ADORA1: variants seen among roughly 807,000 people sequenced by gnomAD.
The protein encoded by ADORA1 is adenosine A1 receptor, also known as adenosine receptor A1.
Under a neutral mutation model 19.9 loss-of-function variants are expected in ADORA1, and 6 were observed. The observed-to-expected ratio is 0.30, with a 90% CI of 0.17 to 0.59. ADORA1 has a LOEUF of 0.59. ADORA1 is among the 20% of genes least tolerant of loss of function. The pLI, the probability that ADORA1 is intolerant of heterozygous loss-of-function variation, is 0.87. For missense variants in ADORA1, 302 were observed against 439.2 expected, an observed-to-expected ratio of 0.69 and a Z score of 2.79; for synonymous variants, 194 against 188.4, an observed-to-expected ratio of 1.03 and a Z score of -0.24.
chr1:203,162,309 A>T (rs1349143128), intron 3 of ADORA1, among the ~76,000 whole-genome samples: 1 of 152,138 alleles, frequency 6.6e-6, no homozygotes, highest in Non-Finnish European at 1.5e-5. Flanking sequence ...GTCTGCTGGG[A>T]CTGGGTCCTG....
chr1:203,165,437 A>C lies in ADORA1; in HGVS notation c.518A>C (p.Lys173Thr), dbSNP rs752023722. 1.9e-6 allele frequency: 3 copies of C among 1,613,470 alleles called. No individual in the cohort carries two copies. The South Asian group carries it at 3.3e-5, about 18-fold the overall frequency. Residue 173 changes from lysine to threonine, a missense_variant, in exon 4 of 4, where the codon AAG becomes ACG. Lys to Thr is a moderately conservative substitution (Grantham distance 78, BLOSUM62 -1). Coordinates refer to ENST00000337894, the MANE Select transcript of ADORA1 (RefSeq NM_000674.3). This position sits in a 1 kb window ranked among gnomAD's most constrained non-coding sequence, Gnocchi z 5.9. ...CCCGTGATCAAGTGCGAGTTCGAGAAGGTCATCAGCATGGAGTACATGGTC... is the reference window on the plus strand; with the variant it reads ...CCCGTGATCAAGTGCGAGTTCGAGACGGTCATCAGCATGGAGTACATGGTC... ...GEPVIKCEFE[K>T]VISMEYMVYF... is the part of the protein sequence containing the mutation.
chr1:203,135,882 C>T (rs767870513), intron 3 of ADORA1, among the ~76,000 whole-genome samples: 1 of 152,190 alleles, frequency 6.6e-6, no homozygotes, highest in African/African-American at 2.4e-5. Context: ...GCAAATCCCC[C>T]GGGGGCATTT....
At chr1:203,146,016 C>T (rs1461542277) in intron 3 of ADORA1, among the ~76,000 whole-genome samples, 2 of 152,176 alleles carry the variant, frequency 1.3e-5, no homozygotes, top group Non-Finnish European at 2.9e-5. Context: ...GCATCTGCCT[C>T]TGAAATGTCG....
intron 3 of ADORA1, among the ~76,000 whole-genome samples, chr1:203,152,366 G>A (rs1374945589): frequency 2.0e-5 from 3 of 152,220 alleles, no homozygotes; most frequent in Non-Finnish European, 4.4e-5. Context: ...CTGGGCTGGC[G>A]GATTCTCTGC....
chr1:203,138,110 T>A lies in ADORA1; in HGVS notation c.341+8928T>A, dbSNP rs191930282. Among the ~76,000 whole-genome samples the A allele has an allele frequency of 3.3e-5, 5 of 152,248 alleles. No homozygotes were observed. The East Asian group carries it at 9.6e-4, about 29-fold the overall frequency. Reference sequence around the variant, plus strand: ...TGTGGGAATTTTCCTATAGATTGGATGTGAGAAAGAAGAATCAATATGACC... The same window carrying A: ...TGTGGGAATTTTCCTATAGATTGGAAGTGAGAAAGAAGAATCAATATGACC... On this transcript the variant is annotated intron_variant, in intron 3 of 3. Coordinates refer to ENST00000337894, the MANE Select transcript of ADORA1 (RefSeq NM_000674.3).
chr1:203,132,376 C>A (rs553814420), intron 3 of ADORA1, among the ~76,000 whole-genome samples: 86 of 152,244 alleles, frequency 5.6e-4, no homozygotes, highest in African/African-American at 1.8e-3. Context: ...GGGAAGGAGA[C>A]CCTAGCAAGG....
chr1:203,162,094 C>A (rs1314302708), intron 3 of ADORA1, among the ~76,000 whole-genome samples: 1 of 152,210 alleles, frequency 6.6e-6, no homozygotes, highest in African/African-American at 2.4e-5. Flanking sequence ...CTTCCACACA[C>A]CCTTACCCCA....
intron 3 of ADORA1, among the ~76,000 whole-genome samples, chr1:203,137,167 C>G (rs1362196916): frequency 6.6e-6 from 1 of 152,072 alleles, no homozygotes; most frequent in Admixed American, 6.6e-5. Context: ...TGAGAAGGTG[C>G]CATTTGACCA....
intron 3 of ADORA1, among the ~76,000 whole-genome samples, chr1:203,163,715 G>A (rs1655443885): frequency 6.6e-6 from 1 of 152,162 alleles, no homozygotes; most frequent in African/African-American, 2.4e-5. Flanking sequence ...TGGGCAAATT[G>A]TCTCCCTTCC....
At position 203,145,922 on chromosome 1, in the gene ADORA1, G is replaced by A. The variant is rs555408663; in HGVS notation, c.341+16740G>A. On this transcript the variant is annotated intron_variant, in intron 3 of 3. Coordinates refer to ENST00000337894, the MANE Select transcript of ADORA1 (RefSeq NM_000674.3). Reference sequence around the variant, plus strand: ...TTGGCAAACCCGGCCTTGGGGAAGCGGCTGTGGCAGGGCAGGGAGGTGTAT... The same window carrying A: ...TTGGCAAACCCGGCCTTGGGGAAGCAGCTGTGGCAGGGCAGGGAGGTGTAT... Among the ~76,000 whole-genome samples the A allele has an allele frequency of 1.1e-3, 161 of 152,298 alleles. 1 individual carries two copies. Among genetic ancestry groups the A allele is most frequent in the African/African-American group, 3.6e-3 (151 of 41,556 alleles).
chr1:203,142,311 G>A (rs747804684), intron 3 of ADORA1, among the ~76,000 whole-genome samples: 5 of 152,358 alleles, frequency 3.3e-5, no homozygotes. Flanking sequence ...AGGGCAGGGC[G>A]TGGTACTGTC....
intron 3 of ADORA1, among the ~76,000 whole-genome samples, chr1:203,145,372 T>C (rs866828896): frequency 3.9e-5 from 6 of 152,312 alleles, no homozygotes; most frequent in African/African-American, 1.4e-4. Context: ...GGTGCCCACT[T>C]GGAGGCCACC....
intron 3 of ADORA1, among the ~76,000 whole-genome samples, chr1:203,150,312 G>C (rs2102754058): frequency 6.6e-6 from 1 of 152,358 alleles, no homozygotes; most frequent in South Asian, 2.1e-4. Flanking sequence ...ACATGCAGTG[G>C]AGCAGGAGGG....
At chr1:203,161,950 C>T (rs888618986) in intron 3 of ADORA1, among the ~76,000 whole-genome samples, 1 of 152,220 alleles carries the variant, frequency 6.6e-6, no homozygotes, top group Admixed American at 6.5e-5. Context: ...TCTCCCGTCT[C>T]TGTTCTGTTG....
In ADORA1 at chr1:203,165,283, C is replaced by A; in HGVS notation, c.364C>A (p.Arg122=). The A allele has an allele frequency of 6.4e-7, 1 of 1,573,034 alleles. No individual in the cohort carries two copies. Among genetic ancestry groups the A allele is most frequent in the Non-Finnish European group, 8.6e-7 (1 of 1,159,626 alleles). The change falls in exon 4 of 4, where the codon CGG becomes AGG. Residue 122 remains arginine, a synonymous_variant. Coordinates refer to ENST00000337894, the MANE Select transcript of ADORA1 (RefSeq NM_000674.3). The surrounding 1 kb of genome is among the most constrained non-coding windows in gnomAD (Gnocchi z 5.9). The part of the protein sequence containing the change: ...PLRYKMVVTP[R]RAAVAIAGCW... ...CAGGTACAAGATGGTGGTGACCCCC[C>A]GGAGGGCGGCGGTGGCCATAGCCGG... is the stretch of plus-strand genomic sequence containing the variant.
intron 3 of ADORA1, among the ~76,000 whole-genome samples, chr1:203,147,009 C>T (rs1654878609): frequency 6.6e-6 from 1 of 152,214 alleles, no homozygotes; most frequent in South Asian, 2.1e-4. Flanking sequence ...AGGTAGAGTG[C>T]TTCACGCAAA....
At chr1:203,151,036 G>A (rs528150164) in intron 3 of ADORA1, among the ~76,000 whole-genome samples, 84 of 152,312 alleles carry the variant, frequency 5.5e-4, no homozygotes, top group African/African-American at 1.9e-3. Flanking sequence ...GGCTGATCTC[G>A]AGTCTGCATG....
chr1:203,157,694 C>T (rs1426754171), intron 3 of ADORA1, among the ~76,000 whole-genome samples: 1 of 152,224 alleles, frequency 6.6e-6, no homozygotes, highest in Non-Finnish European at 1.5e-5. Context: ...CCCATGGCTT[C>T]CACACTCTGT....
In ADORA1 at chr1:203,165,284, G is replaced by A. The variant is rs750446791; in HGVS notation, c.365G>A (p.Arg122Gln). ...AGGTACAAGATGGTGGTGACCCCCC[G>A]GAGGGCGGCGGTGGCCATAGCCGGC... The part of the protein sequence containing the change: ...PLRYKMVVTP[R>Q]RAAVAIAGCW... The change falls in exon 4 of 4, where the codon CGG becomes CAG. Residue 122 changes from arginine (R) to glutamine (Q), a missense_variant. Arg to Gln is a conservative substitution (Grantham distance 43). Coordinates refer to ENST00000337894, the MANE Select transcript of ADORA1 (RefSeq NM_000674.3). This position sits in a 1 kb window ranked among gnomAD's most constrained non-coding sequence, Gnocchi z 5.9. 2.2e-5 allele frequency: 34 copies of A among 1,573,518 alleles called. No homozygotes were observed. Among genetic ancestry groups the A allele is most frequent in the Admixed American group, 3.7e-5 (2 of 54,370 alleles).
Sources: allele counts gnomAD v4.1 joint callset (sites outside exome capture counted in the v4.1 genomes callset), GRCh38; gene constraint gnomAD v4.1.1; non-coding constraint Gnocchi (gnomAD v3.1); transcripts MANE v1.5; gene names NCBI Gene and HGNC (gene_info 2026-07-23, HGNC 2026-07-21).